THRB: variants seen among roughly 807,000 people sequenced by gnomAD.
THRB encodes the protein nuclear receptor subfamily 1 group A member 2.
Under a neutral mutation model 47.8 loss-of-function variants are expected in THRB, and 12 were observed. The ratio of observed to expected loss-of-function variants is 0.25; its 90% CI spans 0.16 to 0.41. THRB has a LOEUF of 0.41. Ranked by LOEUF, THRB falls within the 10% of genes least tolerant of loss-of-function variation. The pLI is 1.00. For synonymous variants in THRB, 218 were observed against 212.2 expected, an observed-to-expected ratio of 1.03 and a Z score of -0.24; for missense variants, 348 against 589.2, an observed-to-expected ratio of 0.59 and a Z score of 4.24.
chr3:24,369,286 G>A (rs1315218851), intron 1 of THRB, among the ~76,000 whole-genome samples: 2 of 152,038 alleles, frequency 1.3e-5, no homozygotes, highest in African/African-American at 2.4e-5. Flanking sequence ...TTCATGCTAC[G>A]TTGAATTCAG....
In THRB at chr3:24,118,407, T is replaced by A. The variant is rs2031029046; in HGVS notation, c.*4477A>T. ...CAACAGAGTTTTAGGCTGAAAAAAA[T>A]ATCACCATCTAGCAATATCACTTAA... On this transcript the variant is annotated 3_prime_UTR_variant, in exon 11 of 11. Transcript: ENST00000646209. 2 of 152,580 alleles carry A rather than the reference T, an allele frequency of 1.3e-5. No individual in the cohort carries two copies. The highest frequency in any genetic ancestry group is 6.5e-5 in the Admixed American group (1 of 15,282). The allele number at this position is 152,580 out of a possible 1,614,324, so 9.5% of individuals were successfully genotyped here.
At chr3:24,491,433 T>C (rs1345669432) in intron 1 of THRB, among the ~76,000 whole-genome samples, 3 of 152,228 alleles carry the variant, frequency 2.0e-5, no homozygotes, top group Admixed American at 6.5e-5. Context: ...CTCTGGTCAC[T>C]TGAAAACTCA....
At chr3:24,451,677 C>T (rs1025633062) in intron 1 of THRB, among the ~76,000 whole-genome samples, 1 of 152,174 alleles carries the variant, frequency 6.6e-6, no homozygotes, top group Non-Finnish European at 1.5e-5. Context: ...CAAATAGCTC[C>T]CCACTCTGAA....
intron 2 of THRB, among the ~76,000 whole-genome samples, chr3:24,336,035 A>G (rs1335371995): frequency 6.6e-6 from 1 of 152,220 alleles, no homozygotes; most frequent in African/African-American, 2.4e-5. Flanking sequence ...AAGATTTCCA[A>G]TGGGAAAAGG....
At chr3:24,191,728 T>A (rs2043369431) in intron 4 of THRB, among the ~76,000 whole-genome samples, 1 of 152,264 alleles carries the variant, frequency 6.6e-6, no homozygotes, top group South Asian at 2.1e-4. Context: ...GCATTTACCC[T>A]TCCGGGTTTT....
chr3:24,478,291 A>C (rs6789815), intron 1 of THRB, among the ~76,000 whole-genome samples: 1 of 152,000 alleles, frequency 6.6e-6, no homozygotes, highest in Non-Finnish European at 1.5e-5. Flanking sequence ...ATTTTTTGTA[A>C]GTATCTGGAG....
At chr3:24,262,106 A>G (rs1228839002) in intron 3 of THRB, among the ~76,000 whole-genome samples, 2 of 152,188 alleles carry the variant, frequency 1.3e-5, no homozygotes, top group Non-Finnish European at 2.9e-5. Flanking sequence ...AATAAACTTG[A>G]TATGTCCAAA....
intron 4 of THRB, among the ~76,000 whole-genome samples, chr3:24,205,156 C>T (rs2045158249): frequency 6.6e-6 from 1 of 152,110 alleles, no homozygotes; most frequent in South Asian, 2.1e-4. Flanking sequence ...CAGACAACAC[C>T]ACAAAGATAC....
At chr3:24,428,205 T>C (rs1171448356) in intron 1 of THRB, among the ~76,000 whole-genome samples, 1 of 152,072 alleles carries the variant, frequency 6.6e-6, no homozygotes, top group Non-Finnish European at 1.5e-5. Flanking sequence ...ACAACATGCA[T>C]TGTCCTCCTG....
At chr3:24,337,723 T>C (rs1487742892) in intron 1 of THRB, among the ~76,000 whole-genome samples, 2 of 152,158 alleles carry the variant, frequency 1.3e-5, no homozygotes, top group African/African-American at 4.8e-5. Flanking sequence ...CCTCAAACTG[T>C]TTAGCCACTG....
intron 3 of THRB, among the ~76,000 whole-genome samples, chr3:24,288,072 C>T (rs1430443230): frequency 6.6e-6 from 1 of 152,222 alleles, no homozygotes; most frequent in Non-Finnish European, 1.5e-5. Context: ...GCACCTGATA[C>T]GTGACTTCCT....
chr3:24,308,192 A>C (rs887955284), intron 2 of THRB, among the ~76,000 whole-genome samples: 4 of 152,210 alleles, frequency 2.6e-5, no homozygotes, highest in African/African-American at 7.2e-5. Flanking sequence ...GAAAAAAATA[A>C]AAATTAAAAC....
At chr3:24,297,534 G>A (rs1334694193) in intron 2 of THRB, among the ~76,000 whole-genome samples, 163 bp from the exon 3 acceptor site, 4 of 152,188 alleles carry the variant, frequency 2.6e-5, no homozygotes, top group African/African-American at 7.2e-5. Flanking sequence ...ATAAACAAAT[G>A]CATACTCATT....
At chr3:24,351,114 GT>G (rs2063330830) in intron 1 of THRB, among the ~76,000 whole-genome samples, 1 of 151,730 alleles carries the variant, frequency 6.6e-6, no homozygotes, top group South Asian at 2.1e-4. Flanking sequence ...CTTGTGTATA[GT>G]TGTAGATCAG....
intron 1 of THRB, among the ~76,000 whole-genome samples, chr3:24,353,081 C>G (rs1021033140): frequency 2.6e-5 from 4 of 151,728 alleles, no homozygotes; most frequent in African/African-American, 9.7e-5. Flanking sequence ...AGACTGAACA[C>G]AAGAGTGAAT....
intron 1 of THRB, among the ~76,000 whole-genome samples, chr3:24,403,350 T>G (rs2067571175): frequency 6.6e-6 from 1 of 151,998 alleles, no homozygotes; most frequent in Non-Finnish European, 1.5e-5. Context: ...GCTGGATCCA[T>G]AATATTAATT....
At chr3:24,461,367 C>T (rs2073681463) in intron 1 of THRB, among the ~76,000 whole-genome samples, 1 of 152,176 alleles carries the variant, frequency 6.6e-6, no homozygotes, top group South Asian at 2.1e-4. Context: ...TAATGTTTAT[C>T]AAGATGTTGG....
rs147795893 is a variant in THRB, at chr3:24,190,158, T to C, written c.199A>G (p.Ile67Val). 5.8e-5 allele frequency: 94 copies of C among 1,614,110 alleles called. No individual in the cohort carries two copies. Among genetic ancestry groups the C allele is most frequent in the East Asian group, 1.6e-4 (7 of 44,872 alleles). The change falls in exon 5 of 11, where the codon ATA becomes GTA. Residue 67 changes from isoleucine (I) to valine (V), a missense_variant. By Grantham distance (29) the Ile-to-Val change is conservative. Around this residue, in one of 5 missense-constraint regions of THRB, gnomAD observed 148 missense variants for 122.3 expected, o/e 1.21. Coordinates refer to ENST00000646209, the MANE Select transcript of THRB (RefSeq NM_001354712.2). ...HLIQTTWTSSIFHLDHDDVND... is the reference protein window; with the variant it reads ...HLIQTTWTSSVFHLDHDDVND... ...ACATCATCATGGTCCAGATGGAATATTGAGCTAGTCCAAGTGGTCTGGATG... is the reference window on the plus strand; with the variant it reads ...ACATCATCATGGTCCAGATGGAATACTGAGCTAGTCCAAGTGGTCTGGATG...
chr3:24,258,634 C>T (rs573382169), intron 3 of THRB, among the ~76,000 whole-genome samples: 1 of 152,160 alleles, frequency 6.6e-6, no homozygotes, highest in Non-Finnish European at 1.5e-5. Context: ...TTACTGCATA[C>T]GCTGTAGTGC....
Sources: allele counts gnomAD v4.1 joint callset (sites outside exome capture counted in the v4.1 genomes callset), GRCh38; gene constraint gnomAD v4.1.1; regional missense constraint gnomAD v4.1.1; transcripts MANE v1.5; gene names NCBI Gene and HGNC (gene_info 2026-07-23, HGNC 2026-07-21).